The following RGL1 variants were observed in gnomAD, a reference collection of about 807,000 sequenced individuals.
The protein encoded by RGL1 is ral guanine nucleotide dissociation stimulator like 1.
A neutral mutation model predicts 95.2 loss-of-function variants in RGL1; 24 were observed. The observed-to-expected ratio is 0.25, with a 90% CI of 0.18 to 0.35. The LOEUF (loss-of-function observed/expected upper bound fraction) is 0.35, where lower values mean the gene tolerates loss of function less well. Ranked by LOEUF, RGL1 falls within the 10% of genes least tolerant of loss-of-function variation. The pLI is 1.00. For missense variants in RGL1, 715 were observed against 936.3 expected (o/e 0.76, Z 3.08); for synonymous variants, 329 against 344.9 (o/e 0.95, Z 0.51).
Position 183,643,264 on chromosome 1 carries a change from T to A in RGL1, c.-33+6763T>A, listed in dbSNP as rs1244935008. Among the ~76,000 whole-genome samples the A allele has an allele frequency of 7.1e-4, 78 of 110,074 alleles. 1 individual carries two copies. Among genetic ancestry groups the A allele is most frequent in the African/African-American group, 3.3e-3 (73 of 22,234 alleles). 72.2% of individuals were successfully genotyped at this position (110,074 alleles called of 152,430 possible). On this transcript the variant is annotated intron_variant, in intron 1 of 18. Coordinates refer to the RGL1 transcript ENST00000304685. ...ACTATCTCTTTGAGGTCCTGTTTTT[T>A]TATTTATTTATTTATTTATTTATTT...
At chr1:183,829,766 T>G (rs541391880) in intron 2 of RGL1, among the ~76,000 whole-genome samples, 19 of 152,340 alleles carry the variant, frequency 1.2e-4, no homozygotes, top group African/African-American at 4.1e-4. Context: ...TCCAAGTTAC[T>G]TCATGGCATT....
chr1:183,916,684 A>G lies in RGL1; in HGVS notation c.1987A>G (p.Met663Val). 2 of 1,613,092 alleles carry G rather than the reference A, an allele frequency of 1.2e-6. No individual in the cohort carries two copies. The highest frequency in any genetic ancestry group is 1.7e-6 in the Non-Finnish European group (2 of 1,179,934). Residue 663 changes from methionine to valine, a missense_variant, in exon 16 of 18, where the codon ATG (methionine) becomes GTG (valine). Met to Val is a conservative substitution (Grantham distance 21). Transcript: ENST00000360851. ...CAGTGTGGAAGACAATAACGGCAAC[A>G]TGTACAAGAGCATCATGGTGAGGAG... ...RISVEDNNGN[M>V]YKSIMLTSQD... is the part of the protein sequence containing the mutation.
intron 1 of RGL1, among the ~76,000 whole-genome samples, chr1:183,696,532 A>T (rs1233013318): frequency 6.6e-6 from 1 of 152,180 alleles, no homozygotes; most frequent in Non-Finnish European, 1.5e-5. Flanking sequence ...ATCCACAAAC[A>T]TTAGGCATCT....
rs140997600 is a variant in RGL1 at position 183,689,119 on chromosome 1, C to G, written c.-33+52618C>G. Among the ~76,000 whole-genome samples, 440 of 152,196 alleles carry G rather than the reference C, an allele frequency of 2.9e-3. 4 individuals carry two copies. The highest frequency in any genetic ancestry group is 0.01 in the African/African-American group (423 of 41,516). On this transcript the variant is annotated intron_variant, in intron 1 of 18. Coordinates refer to the RGL1 transcript ENST00000304685. ...AATAAAATGAATGTTGAGTCAGCCA[C>G]GTGTATTTCTTTCCAAACCCATAAT...
chr1:183,914,144 T>C (rs1259452422), intron 15 of RGL1, among the ~76,000 whole-genome samples: 2 of 152,216 alleles, frequency 1.3e-5, no homozygotes, highest in Non-Finnish European at 2.9e-5. Flanking sequence ...TTGCCCACAT[T>C]ATTGTGGGAT....
intron 13 of RGL1, 67 bp downstream of exon 13, chr1:183,905,038 C>T: frequency 3.2e-6 from 5 of 1,549,014 alleles, no homozygotes; most frequent in Non-Finnish European, 4.4e-6. Flanking sequence ...GCATTTAATA[C>T]CTCGCTGGGT....
chr1:183,851,747 A>G (rs573682650), intron 3 of RGL1, among the ~76,000 whole-genome samples: 56 of 152,300 alleles, frequency 3.7e-4, no homozygotes, highest in African/African-American at 1.2e-3. Context: ...CAACATGAGT[A>G]TTTCTTCCTT....
rs1324549081 is a variant in RGL1 at position 183,818,563 on chromosome 1, G to T, written c.138+12078G>T. Reference sequence around the variant, plus strand: ...GAGTTTCCTTAGCACTTTACCAAAAGCTGTATTACAGCACTTATCACACTA... The same window carrying T: ...GAGTTTCCTTAGCACTTTACCAAAATCTGTATTACAGCACTTATCACACTA... On this transcript the variant is annotated intron_variant, in intron 2 of 17. Coordinates refer to ENST00000360851, the MANE Select transcript of RGL1 (RefSeq NM_001297671.3). Among the ~76,000 whole-genome samples the T allele has an allele frequency of 2.7e-5, 4 of 150,126 alleles. No homozygotes were observed. In the East Asian group the frequency reaches 7.8e-4, roughly 29 times the overall value.
intron 3 of RGL1, among the ~76,000 whole-genome samples, chr1:183,850,318 A>G (rs1664757419): frequency 6.6e-6 from 1 of 152,086 alleles, no homozygotes; most frequent in Non-Finnish European, 1.5e-5. Flanking sequence ...TAATTTTTCC[A>G]TTCGTTTTAA....
chr1:183,813,904 A>G (rs767219131), intron 2 of RGL1, among the ~76,000 whole-genome samples: 18 of 152,198 alleles, frequency 1.2e-4, no homozygotes, highest in Non-Finnish European at 1.5e-4. Context: ...AAATACACAC[A>G]CAGCCTATAT....
chr1:183,660,826 A>T (rs1244155626), intron 1 of RGL1, among the ~76,000 whole-genome samples: 1 of 152,196 alleles, frequency 6.6e-6, no homozygotes, highest in Non-Finnish European at 1.5e-5. Flanking sequence ...TCCTCAGCAA[A>T]TGTAAAAGAT....
At chr1:183,789,768 C>G (rs1212653826) in intron 2 of RGL1, among the ~76,000 whole-genome samples, 1 of 151,978 alleles carries the variant, frequency 6.6e-6, no homozygotes, top group Non-Finnish European at 1.5e-5. Flanking sequence ...TTCTTTGTCA[C>G]AAAACAATCC....
rs111256579 is a variant in RGL1, at chr1:183,849,381, C to T, written c.347+1607C>T. Among the ~76,000 whole-genome samples the T allele has an allele frequency of 7.8e-3, 1,192 of 152,028 alleles. 12 individuals carry two copies. The highest frequency in any genetic ancestry group is 0.028 in the African/African-American group (1,141 of 41,474). On this transcript the variant is annotated intron_variant, in intron 3 of 17. Coordinates refer to ENST00000360851, the MANE Select transcript of RGL1 (RefSeq NM_001297671.3). ...AAAAATGTAATTCTTATTTCAAAAC[C>T]AGCACGTGTAGATGAATCTATCATA... is the stretch of plus-strand genomic sequence containing the variant.
chr1:183,737,634 T>G (rs1238375957), intron 1 of RGL1, among the ~76,000 whole-genome samples: 1 of 151,910 alleles, frequency 6.6e-6, no homozygotes, highest in Non-Finnish European at 1.5e-5. Context: ...AGATTGTTTC[T>G]CAGTGTCAAG....
intron 1 of RGL1, chr1:183,653,307 G>T (rs1172230658): frequency 2.0e-5 from 3 of 152,222 alleles, no homozygotes; most frequent in Admixed American, 6.5e-5. Flanking sequence ...CTACCTCTAA[G>T]AACACTGTTG....
In RGL1 at chr1:183,806,375, A is replaced by G. The variant is rs1265223096; in HGVS notation, c.28A>G (p.Ser10Gly). The change falls in exon 2 of 18, where the codon AGC becomes GGC. Residue 10 changes from serine (S) to glycine (G), a missense_variant and splice_region_variant. Around this residue, in one of 3 missense-constraint regions of RGL1, gnomAD observed 381 missense variants for 484.8 expected, o/e 0.79. Transcript: ENST00000360851. The part of the protein sequence containing the change: MKLLWQAKM[S>G]SIQDWGEEVE... Reference sequence around the variant, plus strand: ...TTTCTCTTTATCCCGTCCCTGGCAGAGCTCGATTCAGGACTGGGGTGAAGA... The same window carrying G: ...TTTCTCTTTATCCCGTCCCTGGCAGGGCTCGATTCAGGACTGGGGTGAAGA... 6.2e-7 allele frequency: 1 copy of G among 1,611,774 alleles called. No individual in the cohort carries two copies. The highest frequency in any genetic ancestry group is 8.5e-7 in the Non-Finnish European group (1 of 1,178,060).
chr1:183,783,394 T>G (rs1338481287), intron 2 of RGL1, among the ~76,000 whole-genome samples: 1 of 152,176 alleles, frequency 6.6e-6, no homozygotes, highest in East Asian at 1.9e-4. Context: ...AAACCACAAT[T>G]ACTTTTGCAC....
intron 4 of RGL1, among the ~76,000 whole-genome samples, chr1:183,868,726 A>G (rs1002717120): frequency 2.0e-5 from 3 of 152,232 alleles, no homozygotes; most frequent in Non-Finnish European, 2.9e-5. Context: ...ATTCAGAAAT[A>G]GACATGTTAT....
chr1:183,715,690 C>T lies in RGL1; in HGVS notation c.-32-26436C>T, dbSNP rs1655580752. 2.0e-5 allele frequency among the ~76,000 whole-genome samples: 3 copies of T among 151,460 alleles called. No homozygotes were observed. In the South Asian group the frequency reaches 6.3e-4, roughly 32 times the overall value. On this transcript the variant is annotated intron_variant, in intron 1 of 18. Coordinates refer to the RGL1 transcript ENST00000304685. ...TCAGATACATATTAGTCTCGATTAC[C>T]CAGAGAAACAGAACCAATTGGAGAC...
Sources: allele counts gnomAD v4.1 joint callset (sites outside exome capture counted in the v4.1 genomes callset), GRCh38; gene constraint gnomAD v4.1.1; regional missense constraint gnomAD v4.1.1; transcripts MANE v1.5; gene names NCBI Gene and HGNC (gene_info 2026-07-23, HGNC 2026-07-21).